PRKAG2: variants seen among roughly 807,000 people sequenced by gnomAD.
PRKAG2 encodes 5'-AMP-activated protein kinase subunit gamma-2.
PRKAG2 carries 26 observed loss-of-function variants against 69.6 expected under a neutral mutation model. The observed-to-expected ratio is 0.37, with a 90% CI of 0.27 to 0.52. PRKAG2 has a LOEUF of 0.52. Ranked by LOEUF, PRKAG2 falls within the 20% of genes least tolerant of loss-of-function variation. The probability of loss-of-function intolerance (pLI) is 0.90; values close to 1 mark genes in which losing one functional copy is unlikely to be tolerated. For synonymous variants in PRKAG2, 293 were observed against 285.0 expected (o/e 1.03, Z -0.28); for missense variants, 557 against 740.0 (o/e 0.75, Z 2.87).
At chr7:151,863,032 C>T (rs1197766920) in intron 1 of PRKAG2, among the ~76,000 whole-genome samples, 1 of 144,072 alleles carries the variant, frequency 6.9e-6, no homozygotes, top group Non-Finnish European at 1.5e-5. Flanking sequence ...GCAGGGGGCA[C>T]TTGTAGGTCC....
At chr7:151,855,075 CCAT>C (rs2079687693) in intron 1 of PRKAG2, among the ~76,000 whole-genome samples, 1 of 57,590 alleles carries the variant, frequency 1.7e-5, no homozygotes, top group Non-Finnish European at 3.2e-5. Context: ...TCCACACACA[CCAT>C]CCTCCACACA....
intron 4 of PRKAG2, among the ~76,000 whole-genome samples, chr7:151,665,135 A>G (rs760906157): frequency 6.6e-6 from 1 of 152,112 alleles, no homozygotes; most frequent in Middle Eastern, 3.2e-3. Flanking sequence ...CTGCTTCTAC[A>G]GGATGCACCC....
intron 4 of PRKAG2, among the ~76,000 whole-genome samples, chr7:151,648,844 C>G (rs367691943): frequency 6.6e-6 from 1 of 151,998 alleles, no homozygotes; most frequent in African/African-American, 2.4e-5. Context: ...TAGTGAGACC[C>G]CCGTCTCTTT....
At chr7:151,729,745 G>A (rs1798619943) in intron 3 of PRKAG2, among the ~76,000 whole-genome samples, 1 of 152,026 alleles carries the variant, frequency 6.6e-6, no homozygotes, top group South Asian at 2.1e-4. Flanking sequence ...GGAGTCCCTA[G>A]AACACACCGC....
intron 4 of PRKAG2, chr7:151,675,047 G>A (rs987752910): frequency 5.7e-5 from 20 of 349,920 alleles, no homozygotes; most frequent in South Asian, 3.1e-4. Flanking sequence ...TCAGCCTCCC[G>A]AGTAGTTGGG....
chr7:151,608,686 G>A lies in PRKAG2; in HGVS notation c.755-13232C>T, dbSNP rs79892315. 6.9e-3 allele frequency among the ~76,000 whole-genome samples: 1,055 copies of A among 152,204 alleles called. 19 individuals are homozygous for A. The highest frequency in any genetic ancestry group is 0.024 in the African/African-American group (999 of 41,532). On this transcript the variant is annotated intron_variant, in intron 5 of 15. Coordinates refer to ENST00000287878, the MANE Select transcript of PRKAG2 (RefSeq NM_016203.4). ...GAGGAAATGTCAGCAAATGAAGCAC[G>A]CAGGTTTAAAAGAACACTGGTGAAT...
At chr7:151,562,074 G>A (rs556765593) in intron 14 of PRKAG2, among the ~76,000 whole-genome samples, 1 of 151,006 alleles carries the variant, frequency 6.6e-6, no homozygotes, top group Non-Finnish European at 1.5e-5. Context: ...GTGAAACCCC[G>A]TCTCTACCAA....
intron 1 of PRKAG2, among the ~76,000 whole-genome samples, chr7:151,838,862 A>G (rs1302834780): frequency 2.6e-5 from 4 of 151,974 alleles, no homozygotes; most frequent in African/African-American, 9.7e-5. Flanking sequence ...TAAAAATACA[A>G]AAATTAGCCA....
chr7:151,560,546 T>G lies in PRKAG2; in HGVS notation c.1656A>C (p.Gln552His). Residue 552 changes from glutamine (Q) to histidine (H), a missense_variant, in exon 15 of 16, where the codon CAA becomes CAC. Gln to His is a conservative substitution (Grantham distance 24). Coordinates refer to ENST00000287878, the MANE Select transcript of PRKAG2 (RefSeq NM_016203.4). Reference sequence around the variant, plus strand: ...TACCTGCTGGTGTGAGGATCAGGGCTTGCAGAATGTCCGACAGGGAAATAA... The same window carrying G: ...TACCTGCTGGTGTGAGGATCAGGGCGTGCAGAATGTCCGACAGGGAAATAA... ...VGIISLSDIL[Q>H]ALILTPAGAK... The G allele has an allele frequency of 6.2e-7, 1 of 1,614,160 alleles. No homozygotes were observed.
At chr7:151,572,492 T>C in intron 9 of PRKAG2, 172 bp downstream of exon 9, 2 of 553,966 alleles carry the variant, frequency 3.6e-6, no homozygotes, top group Non-Finnish European at 6.5e-6. Context: ...ATACTTATAT[T>C]GTTCAGCTTT....
At chr7:151,857,757 C>T (rs1313013355) in intron 1 of PRKAG2, among the ~76,000 whole-genome samples, 1 of 152,244 alleles carries the variant, frequency 6.6e-6, no homozygotes, top group Non-Finnish European at 1.5e-5. Flanking sequence ...GTCACTGTTG[C>T]TCTTCTTTTC....
intron 1 of PRKAG2, among the ~76,000 whole-genome samples, chr7:151,863,917 A>G (rs75361760): frequency 5.2e-4 from 72 of 138,972 alleles, no homozygotes; most frequent in African/African-American, 1.7e-3. Flanking sequence ...AAAAAAAAAA[A>G]GGAACCAAGA....
At position 151,639,596 on chromosome 7, in the gene PRKAG2, G is replaced by A. The variant is rs1032245887; in HGVS notation, c.685-7458C>T. On this transcript the variant is annotated intron_variant, in intron 4 of 15. Transcript: ENST00000287878. Reference sequence around the variant, plus strand: ...GAGGATTTCCTTGCTCTTTCTCCTGGAGCTGGGACACTTTCCTCTTCCTGC... The same window carrying A: ...GAGGATTTCCTTGCTCTTTCTCCTGAAGCTGGGACACTTTCCTCTTCCTGC... Among the ~76,000 whole-genome samples, 14 of 152,322 alleles carry A rather than the reference G, an allele frequency of 9.2e-5. No homozygotes were observed. In the East Asian group the frequency reaches 2.1e-3, roughly 23 times the overall value.
At chr7:151,606,259 C>T (rs1817535573) in intron 5 of PRKAG2, among the ~76,000 whole-genome samples, 1 of 152,120 alleles carries the variant, frequency 6.6e-6, no homozygotes, top group Non-Finnish European at 1.5e-5. Context: ...CAACATCAAT[C>T]ACAACAAAAG....
chr7:151,631,892 C>A (rs1215696875), intron 5 of PRKAG2, 177 bp downstream of exon 5: 2 of 555,728 alleles, frequency 3.6e-6, no homozygotes, highest in Non-Finnish European at 5.4e-6. Context: ...CCCCGCAGCC[C>A]GAGCTCGCCG....
intron 4 of PRKAG2, among the ~76,000 whole-genome samples, chr7:151,650,581 A>G (rs1172977764): frequency 1.3e-5 from 2 of 152,224 alleles, no homozygotes; most frequent in African/African-American, 4.8e-5. Flanking sequence ...CTGAGGGTCC[A>G]TGAAACCTTT....
intron 6 of PRKAG2, among the ~76,000 whole-genome samples, chr7:151,581,946 T>A (rs78219774): frequency 0.14 from 20,993 of 152,204 alleles, 1,525 homozygotes; most frequent in African/African-American, 0.15. Flanking sequence ...AGGAAATAAC[T>A]GCCTAACACC....
At chr7:151,603,036 C>T (rs1816505800) in intron 5 of PRKAG2, among the ~76,000 whole-genome samples, 1 of 152,182 alleles carries the variant, frequency 6.6e-6, no homozygotes, top group Non-Finnish European at 1.5e-5. Flanking sequence ...TGAGAACACA[C>T]GGTTTTTCTC....
rs1275103182 is a variant in PRKAG2, at chr7:151,614,459, C to T, written c.754+17610G>A. 2.0e-5 allele frequency among the ~76,000 whole-genome samples: 3 copies of T among 152,116 alleles called. No individual in the cohort carries two copies. Among genetic ancestry groups the T allele is most frequent in the East Asian group, 1.9e-4 (1 of 5,178 alleles). ...GCTGAAAAAATCAGGGCTGCGTGGACGCTCAGTCAGAGGAGAAAAGAGGCA... is the reference window on the plus strand; with the variant it reads ...GCTGAAAAAATCAGGGCTGCGTGGATGCTCAGTCAGAGGAGAAAAGAGGCA... On this transcript the variant is annotated intron_variant, in intron 5 of 15. Coordinates refer to ENST00000287878, the MANE Select transcript of PRKAG2 (RefSeq NM_016203.4). This position sits in a 1 kb window ranked among gnomAD's most constrained non-coding sequence, Gnocchi z 4.4.
Sources: allele counts gnomAD v4.1 joint callset (sites outside exome capture counted in the v4.1 genomes callset), GRCh38; gene constraint gnomAD v4.1.1; non-coding constraint Gnocchi (gnomAD v3.1); transcripts MANE v1.5; gene names NCBI Gene and HGNC (gene_info 2026-07-23, HGNC 2026-07-21).